Variants in PHYKPL observed in about 807,000 individuals in gnomAD.
PHYKPL encodes 5-phosphohydroxy-L-lysine phospho-lyase.
A neutral mutation model predicts 51.3 loss-of-function variants in PHYKPL; 42 were observed. The observed-to-expected ratio is 0.82, with a 90% CI of 0.64 to 1.06. The LOEUF (loss-of-function observed/expected upper bound fraction) is 1.06. Ranked by LOEUF, PHYKPL falls within the 50% of genes least tolerant of loss-of-function variation. The pLI, the probability that PHYKPL is intolerant of heterozygous loss-of-function variation, is 0.00. For missense variants in PHYKPL, 655 were observed against 586.6 expected (o/e 1.12, Z -1.20); for synonymous variants, 264 against 236.0 (o/e 1.12, Z -1.09).
In PHYKPL at chr5:178,212,109, G is replaced by A. The variant is rs1052134728; in HGVS notation, c.1304-139C>T. The A allele has an allele frequency of 2.0e-5, 17 of 841,716 alleles. No homozygotes were observed. The African/African-American group carries it at 2.7e-4, about 13-fold the overall frequency. The allele number at this position is 841,716 out of a possible 1,614,324, so 52.1% of individuals were successfully genotyped here. A position where few individuals can be genotyped will look rare whatever the true frequency, so the allele number is the denominator to read the frequency against. Reference sequence around the variant, plus strand: ...CCACACCCATGTCCCATTCCCCAAAGGGGTGGCAGCAGTTTCCTGAAAAAC... The same window carrying A: ...CCACACCCATGTCCCATTCCCCAAAAGGGTGGCAGCAGTTTCCTGAAAAAC... On this transcript the variant is annotated intron_variant, in intron 11 of 12. Coordinates refer to ENST00000308158, the MANE Select transcript of PHYKPL (RefSeq NM_153373.4).
chr5:178,230,907 A>C (rs1763261380), intron 2 of PHYKPL: 1 of 156,394 alleles, frequency 6.4e-6, no homozygotes, highest in Non-Finnish European at 1.4e-5. Context: ...AAGCAGTCTA[A>C]GACTAGAGTC....
At chr5:178,227,179 G>C (rs570898676) in intron 3 of PHYKPL, among the ~76,000 whole-genome samples, 1 of 151,962 alleles carries the variant, frequency 6.6e-6, no homozygotes, top group East Asian at 1.9e-4. Flanking sequence ...AGGCCGTCAG[G>C]GGGCCCCTCA....
At chr5:178,229,856 A>C in intron 3 of PHYKPL, 84 bp downstream of exon 3, 1 of 1,527,884 alleles carries the variant, frequency 6.5e-7, no homozygotes, top group Non-Finnish European at 8.9e-7. Context: ...ACACTCGGTC[A>C]GCTACACTAC....
intron 6 of PHYKPL, 137 bp from the exon 7 acceptor site, chr5:178,223,071 C>T: frequency 2.5e-6 from 2 of 809,034 alleles, no homozygotes; most frequent in Admixed American, 4.6e-5. Context: ...TTCCATGTTA[C>T]ATCTGAAGGT....
chr5:178,212,113 T>C (rs1453502936), intron 11 of PHYKPL, 143 bp from the exon 12 acceptor site: 1 of 799,756 alleles, frequency 1.3e-6, no homozygotes, highest in African/African-American at 1.7e-5. Context: ...CCCAAAGGGG[T>C]GGCAGCAGTT....
chr5:178,227,003 G>A (rs1364779058), intron 3 of PHYKPL, among the ~76,000 whole-genome samples: 4 of 152,128 alleles, frequency 2.6e-5, no homozygotes, highest in Admixed American at 6.5e-5. Flanking sequence ...ATTTTTCTAA[G>A]TGCTACGATG....
At chr5:178,221,561 C>T (rs1483474701) in intron 8 of PHYKPL, among the ~76,000 whole-genome samples, 1 of 152,154 alleles carries the variant, frequency 6.6e-6, no homozygotes. Context: ...ACTTCCCTCA[C>T]CCCTAAGGAC....
chr5:178,212,075 T>A (rs1416776827), intron 11 of PHYKPL, 105 bp from the exon 12 acceptor site: 6 of 1,239,686 alleles, frequency 4.8e-6, no homozygotes, highest in Non-Finnish European at 7.0e-6. Flanking sequence ...GATTGGGCCC[T>A]CTGGCTATCC....
chr5:178,231,440 G>C lies in PHYKPL; in HGVS notation c.143C>G (p.Ala48Gly). ...ATTGCTGATGCAATCGATGTATTCTGCCCCCTGTTCATCGTACATGTACTG... is the reference window on the plus strand; with the variant it reads ...ATTGCTGATGCAATCGATGTATTCTCCCCCCTGTTCATCGTACATGTACTG... ...QGQYMYDEQG[A>G]EYIDCISNVA... The change falls in exon 2 of 13, where the codon GCA (alanine) becomes GGA (glycine). Residue 48 changes from alanine (A) to glycine (G), a missense_variant. By Grantham distance (60) the Ala-to-Gly change is moderately conservative (BLOSUM62 0). Coordinates refer to ENST00000308158, the MANE Select transcript of PHYKPL (RefSeq NM_153373.4). The C allele has an allele frequency of 6.2e-7, 1 of 1,614,178 alleles. No homozygotes were observed. Among genetic ancestry groups the C allele is most frequent in the South Asian group, 1.1e-5 (1 of 91,086 alleles).
At chr5:178,213,669 G>A (rs1304335262) in intron 10 of PHYKPL, among the ~76,000 whole-genome samples, 3 of 152,200 alleles carry the variant, frequency 2.0e-5, no homozygotes, top group Admixed American at 6.5e-5. Context: ...TCTGAGATGA[G>A]GGGTCTGCAT....
chr5:178,232,754 TG>T lies in PHYKPL; in HGVS notation c.-205del. The T allele has an allele frequency of 2.0e-6, 1 of 488,404 alleles. No homozygotes were observed. 30.3% of individuals were successfully genotyped at this position (488,404 alleles called of 1,614,324 possible). A position where few individuals can be genotyped will look rare whatever the true frequency, so the allele number is the denominator to read the frequency against. On this transcript the variant is annotated 5_prime_UTR_variant, in exon 1 of 13. Transcript: ENST00000308158. ...CTGGGCCTGGCAGCCTTCCGGCCCG[TG>T]GTCGTGCCTTGGCAGTCCCGCGCAG...
rs375319327 is a variant in PHYKPL at position 178,215,391 on chromosome 5, C to T, written c.967G>A (p.Val323Ile). ...TGCTCCTTCTCCAAGACATTCAGGA[C>T]GGCCAGCCCCACAGCGCAGGACACT... ...SPVSCAVGLA[V>I]LNVLEKEQLQ... is the part of the protein sequence containing the mutation. The change falls in exon 9 of 13, where the codon GTC (valine) becomes ATC (isoleucine). Residue 323 changes from valine (V) to isoleucine (I), a missense_variant. Val to Ile is a conservative substitution (Grantham distance 29). Transcript: ENST00000308158. 105 of 1,613,764 alleles carry T rather than the reference C, an allele frequency of 6.5e-5. No homozygotes were observed. Among genetic ancestry groups the T allele is most frequent in the African/African-American group, 2.5e-4 (19 of 74,892 alleles).
chr5:178,228,065 A>C (rs1762639781), intron 3 of PHYKPL: 1 of 170,814 alleles, frequency 5.9e-6, no homozygotes, highest in Admixed American at 5.9e-5. Context: ...GAAGCTGGAG[A>C]TGTTTGTCAG....
chr5:178,219,723 T>C (rs1760742450), intron 8 of PHYKPL, among the ~76,000 whole-genome samples: 2 of 151,908 alleles, frequency 1.3e-5, no homozygotes, highest in African/African-American at 4.8e-5. Flanking sequence ...GTGCTGGGAT[T>C]ACAGGCGTGA....
intron 6 of PHYKPL, chr5:178,223,628 A>C: frequency 2.7e-6 from 1 of 373,112 alleles, no homozygotes. Context: ...AGAGCACCTG[A>C]AACACACAGG....
At chr5:178,209,660 CAG>C (rs1255365316) in intron 12 of PHYKPL, among the ~76,000 whole-genome samples, 2 of 151,966 alleles carry the variant, frequency 1.3e-5, no homozygotes, top group African/African-American at 4.8e-5. Flanking sequence ...GTGCCCAGGG[CAG>C]AGAGAGCATT....
chr5:178,213,160 TGGCCTCATGTCCAGTGCTCCAGCCAC>T, intron 10 of PHYKPL, 57 bp from the exon 11 acceptor site: 1 of 1,598,292 alleles, frequency 6.3e-7, no homozygotes, highest in Non-Finnish European at 8.5e-7. Context: ...AGCCTGGCCT[TGGCCTCATGTCCAGTGCTCCAGCCAC>T]ACTGTCCTCA....
intron 3 of PHYKPL, among the ~76,000 whole-genome samples, chr5:178,227,068 C>T (rs1393093053): frequency 6.6e-6 from 1 of 152,076 alleles, no homozygotes; most frequent in Non-Finnish European, 1.5e-5. Context: ...AGCTGCACCC[C>T]CCCACCCCCA....
chr5:178,218,216 CAA>C (rs777929826), intron 8 of PHYKPL, among the ~76,000 whole-genome samples: 10 of 58,284 alleles, frequency 1.7e-4, no homozygotes, highest in East Asian at 1.7e-3. Flanking sequence ...AACTCCGTCT[CAA>C]AAAAAAAAAA....
Sources: allele counts gnomAD v4.1 joint callset (sites outside exome capture counted in the v4.1 genomes callset), GRCh38; gene constraint gnomAD v4.1.1; transcripts MANE v1.5; gene names NCBI Gene and HGNC (gene_info 2026-07-23, HGNC 2026-07-21).